Variants in ZFHX4 observed in about 807,000 individuals in gnomAD.
The protein encoded by ZFHX4 is zinc finger homeobox protein 4.
In ZFHX4, 56 loss-of-function variants were observed where a neutral mutation model predicts 267.6. The ratio of observed to expected loss-of-function variants is 0.21; its 90% CI spans 0.17 to 0.26. The LOEUF (loss-of-function observed/expected upper bound fraction) is 0.26. ZFHX4 is among the 10% of genes least tolerant of loss of function. The pLI, the probability that ZFHX4 is intolerant of heterozygous loss-of-function variation, is 1.00. For synonymous variants in ZFHX4, 1,778 were observed against 1,665.6 expected (o/e 1.07, Z -1.64); for missense variants, 4,332 against 4,420.0 (o/e 0.98, Z 0.56).
intron 3 of ZFHX4, among the ~76,000 whole-genome samples, chr8:76,710,636 A>G (rs527356547): frequency 6.6e-6 from 1 of 152,328 alleles, no homozygotes; most frequent in East Asian, 1.9e-4. Flanking sequence ...TTAAACATTA[A>G]GGGGAAGTGA....
intron 4 of ZFHX4, among the ~76,000 whole-genome samples, chr8:76,799,820 T>C (rs1811072016): frequency 6.6e-6 from 1 of 152,150 alleles, no homozygotes; most frequent in Non-Finnish European, 1.5e-5. Context: ...TCAGGAAACA[T>C]CGTCTTGCCT....
intron 4 of ZFHX4, among the ~76,000 whole-genome samples, chr8:76,783,479 C>CT (rs1323669971): frequency 1.3e-5 from 2 of 151,720 alleles, no homozygotes; most frequent in African/African-American, 2.4e-5. Flanking sequence ...GTGTTGTTTT[C>CT]TTTTTTTAAA....
chr8:76,767,957 A>C (rs1332387243), intron 3 of ZFHX4, among the ~76,000 whole-genome samples: 3 of 152,230 alleles, frequency 2.0e-5, no homozygotes, highest in Non-Finnish European at 4.4e-5. Context: ...GTTAATCAGC[A>C]TAAAGGGATT....
intron 3 of ZFHX4, among the ~76,000 whole-genome samples, chr8:76,738,055 T>C (rs1809211523): frequency 6.6e-6 from 1 of 152,208 alleles, no homozygotes; most frequent in Admixed American, 6.5e-5. Context: ...CAGTTATATG[T>C]AGAGCTAAGC....
At position 76,855,943 on chromosome 8, in the gene ZFHX4, G is replaced by C. The variant is rs750262555; in HGVS notation, c.9022G>C (p.Glu3008Gln). The C allele has an allele frequency of 1.9e-6, 3 of 1,613,834 alleles. No individual in the cohort carries two copies. Residue 3008 changes from glutamate (E) to glutamine (Q), a missense_variant, in exon 10 of 11, where the codon GAG becomes CAG. Physicochemically the swap from Glu to Gln is conservative, Grantham distance 29. Around this residue, in one of 7 missense-constraint regions of ZFHX4, gnomAD observed 1,648 missense variants for 1,625.0 expected, o/e 1.01. Coordinates refer to ENST00000651372, the MANE Select transcript of ZFHX4 (RefSeq NM_024721.5). The part of the protein sequence containing the change: ...NQGGTEGTKP[E>Q]CTLCGVKYSA... ...AGGCGGAACGGAAGGCACCAAACCA[G>C]AGTGTACCCTCTGCGGGGTGAAGTA...
chr8:76,731,482 C>T (rs1369372911), intron 3 of ZFHX4, among the ~76,000 whole-genome samples: 1 of 152,108 alleles, frequency 6.6e-6, no homozygotes, highest in African/African-American at 2.4e-5. Context: ...AGGCATTTAT[C>T]TTCTTAGCAA....
intron 3 of ZFHX4, among the ~76,000 whole-genome samples, chr8:76,739,765 T>G (rs1809266774): frequency 1.3e-5 from 2 of 152,128 alleles, no homozygotes; most frequent in South Asian, 4.1e-4. Flanking sequence ...AATTCAAAAT[T>G]TAATGTTACA....
chr8:76,768,812 AAG>A (rs1810178910), intron 3 of ZFHX4, among the ~76,000 whole-genome samples: 1 of 152,200 alleles, frequency 6.6e-6, no homozygotes, highest in Non-Finnish European at 1.5e-5. Flanking sequence ...TAACTAAACA[AAG>A]AGAGAAAATG....
At chr8:76,716,910 C>T (rs1206357109) in intron 3 of ZFHX4, among the ~76,000 whole-genome samples, 1 of 152,174 alleles carries the variant, frequency 6.6e-6, no homozygotes, top group Non-Finnish European at 1.5e-5. Flanking sequence ...CCTGAGCTCT[C>T]AGTGTTTGCA....
chr8:76,822,127 C>T (rs10101099), intron 4 of ZFHX4, among the ~76,000 whole-genome samples: 5,771 of 152,218 alleles, frequency 0.038, 169 homozygotes, highest in African/African-American at 0.08. Context: ...TTTTTACTCT[C>T]ACTTGCTCCA....
At chr8:76,847,744 T>G (rs1812402180) in intron 6 of ZFHX4, among the ~76,000 whole-genome samples, 1 of 152,178 alleles carries the variant, frequency 6.6e-6, no homozygotes, top group Non-Finnish European at 1.5e-5. Flanking sequence ...GTATTTTTTT[T>G]GTTTATTTTT....
Position 76,707,570 on chromosome 8 carries a change from T to A in ZFHX4, c.2615T>A (p.Ile872Asn). 1.9e-6 allele frequency: 3 copies of A among 1,588,240 alleles called. No homozygotes were observed. Among genetic ancestry groups the A allele is most frequent in the Non-Finnish European group, 2.6e-6 (3 of 1,164,962 alleles). Residue 872 changes from isoleucine (I) to asparagine (N), a missense_variant, in exon 3 of 11, where the codon ATC (isoleucine) becomes AAC (asparagine). Coordinates refer to ENST00000651372, the MANE Select transcript of ZFHX4 (RefSeq NM_024721.5). Reference protein sequence around the residue: ...GLVNNELPPEIRLASGQLMGD... With the variant: ...GLVNNELPPENRLASGQLMGD... ...GTAAATAATGAGCTGCCGCCTGAAA[T>A]CCGGCTTGCCAGTGGTCAGCTAATG...
chr8:76,819,415 T>A (rs1044711806), intron 4 of ZFHX4, among the ~76,000 whole-genome samples: 1 of 152,180 alleles, frequency 6.6e-6, no homozygotes, highest in African/African-American at 2.4e-5. Flanking sequence ...ACTTCCGTAA[T>A]GGGACTATCA....
At chr8:76,789,312 G>A (rs559809746) in intron 4 of ZFHX4, among the ~76,000 whole-genome samples, 1 of 152,254 alleles carries the variant, frequency 6.6e-6, no homozygotes, top group African/African-American at 2.4e-5. Flanking sequence ...AGAAACATTT[G>A]TATGAAGTGC....
chr8:76,821,675 A>T (rs949294492), intron 4 of ZFHX4, among the ~76,000 whole-genome samples: 6 of 152,172 alleles, frequency 3.9e-5, no homozygotes, highest in African/African-American at 1.4e-4. Flanking sequence ...AGTAAAAACA[A>T]TACATTCCCT....
chr8:76,863,897 G>T lies in ZFHX4; in HGVS notation c.10183G>T (p.Val3395Phe), dbSNP rs377598264. 1.9e-6 allele frequency: 3 copies of T among 1,576,244 alleles called. No individual in the cohort carries two copies. The highest frequency in any genetic ancestry group is 2.6e-6 in the Non-Finnish European group (3 of 1,159,970). The part of the protein sequence containing the change: ...SKSADFSDTY[V>F]VPFVKYEFIC... The stretch of plus-strand genomic sequence containing the variant: ...AAGTGCAGACTTTTCAGACACTTAC[G>T]TTGTTCCATTCGTCAAGTATGAGTT... The change falls in exon 11 of 11, where the codon GTT becomes TTT. Residue 3395 changes from valine to phenylalanine, a missense_variant. This residue lies in a region of ZFHX4 where 1,648 missense variants were observed against 1,625.0 expected (regional missense o/e 1.01). Coordinates refer to ENST00000651372, the MANE Select transcript of ZFHX4 (RefSeq NM_024721.5).
chr8:76,713,224 T>C (rs1323604856), intron 3 of ZFHX4, among the ~76,000 whole-genome samples: 2 of 152,000 alleles, frequency 1.3e-5, no homozygotes, highest in African/African-American at 2.4e-5. Flanking sequence ...CTTTGTACCA[T>C]ACCAGAAAAG....
At chr8:76,798,501 C>T (rs2131821387) in intron 4 of ZFHX4, among the ~76,000 whole-genome samples, 1 of 152,264 alleles carries the variant, frequency 6.6e-6, no homozygotes, top group South Asian at 2.1e-4. Flanking sequence ...TACTGAATAG[C>T]TTGTGGATAG....
At chr8:76,841,934 C>T (rs1217395443) in intron 5 of ZFHX4, among the ~76,000 whole-genome samples, 1 of 152,124 alleles carries the variant, frequency 6.6e-6, no homozygotes, top group Non-Finnish European at 1.5e-5. Flanking sequence ...ACTGCATAAA[C>T]AGATTAATCC....
Sources: gnomAD v4.1 joint callset for allele counts (sites outside exome capture counted in the v4.1 genomes callset) on GRCh38, gnomAD v4.1.1 for gene constraint, gnomAD v4.1.1 regional missense constraint, MANE v1.5 for transcripts, NCBI Gene and HGNC (gene_info 2026-07-23, HGNC 2026-07-21) for gene names.